Variants in WNK3 observed in about 807,000 individuals in gnomAD.
WNK3 encodes WNK lysine deficient protein kinase 3.
A neutral mutation model predicts 116.7 loss-of-function variants in WNK3; 18 were observed. The observed-to-expected ratio is 0.15, with a 90% confidence interval of 0.11 to 0.23. The LOEUF is 0.23. WNK3 is among the 10% of genes least tolerant of loss of function. WNK3 has a pLI of 1.00. For synonymous variants in WNK3, 404 were observed against 469.4 expected (o/e 0.86, Z 1.80); for missense variants, 993 against 1,323.8 (o/e 0.75, Z 3.88).
chrX:54,255,643 C>A, intron 12 of WNK3, 97 bp downstream of exon 12: 1 of 793,963 alleles, frequency 1.3e-6, no homozygotes, highest in South Asian at 4.1e-5. Flanking sequence ...TAGAGAGGGT[C>A]TCGCAATATT....
At chrX:54,333,017 T>C in intron 2 of WNK3, 120 bp downstream of exon 2, 1 of 500,496 alleles carries the variant, frequency 2.0e-6, no homozygotes. Flanking sequence ...ATTTCTAGGA[T>C]GTGGGGGACA....
intron 10 of WNK3, among the ~76,000 whole-genome samples, chrX:54,267,237 T>A (rs2068323524): frequency 1.8e-5 from 2 of 110,203 alleles, no homozygotes; most frequent in African/African-American, 6.6e-5. Flanking sequence ...AAAAAAGAAT[T>A]TTTTCTTTTT....
At chrX:54,215,011 G>C (rs2146757182) in intron 22 of WNK3, among the ~76,000 whole-genome samples, 1 of 107,074 alleles carries the variant, frequency 9.3e-6, no homozygotes, top group African/African-American at 3.4e-5. Context: ...CAGCTACCTG[G>C]GAGGCTGAGG....
exon 17 of WNK3, chrX:54,249,293 A>G: frequency 8.2e-7 from 1 of 1,212,268 alleles, no homozygotes. Context: ...CCAGGATGGG[A>G]CATAAGTGCA....
At chrX:54,311,057 G>A in intron 3 of WNK3, 62 bp downstream of exon 3, 2 of 866,297 alleles carry the variant, frequency 2.3e-6, no homozygotes, top group Non-Finnish European at 3.2e-6. Context: ...TATAAAAATT[G>A]TTATGACTCC....
chrX:54,302,443 C>T (rs1032823577), intron 5 of WNK3, among the ~76,000 whole-genome samples: 84 of 109,458 alleles, frequency 7.7e-4, no homozygotes, highest in African/African-American at 7.3e-4. Flanking sequence ...GGATTACAGG[C>T]GCACGCCACC....
chrX:54,214,944 C>T (rs1557144683), intron 22 of WNK3, among the ~76,000 whole-genome samples: 1 of 108,541 alleles, frequency 9.2e-6, no homozygotes, highest in East Asian at 2.9e-4. Flanking sequence ...ACCCAGGAGG[C>T]GGAGCTTGCA....
At position 54,202,200 on chromosome X, in the gene WNK3, G is replaced by C; in HGVS notation, c.4871-7C>G. On this transcript the variant is annotated splice_region_variant and splice_polypyrimidine_tract_variant and intron_variant, in intron 22 of 23. Transcript: ENST00000354646. ...CTCTCCACACACAGTGGATCTATAA[G>C]ACAAAAAAAACAACAACAGGGAAAC... The C allele has an allele frequency of 1.7e-6, 2 of 1,176,626 alleles. No homozygotes were observed. Among genetic ancestry groups the C allele is most frequent in the Non-Finnish European group, 2.3e-6 (2 of 876,872 alleles).
chrX:54,334,030 T>C (rs1402942957), intron 1 of WNK3, among the ~76,000 whole-genome samples: 2 of 111,031 alleles, frequency 1.8e-5, no homozygotes, highest in Non-Finnish European at 3.8e-5. Flanking sequence ...TGCATGAATA[T>C]TGGTTAGAAA....
chrX:54,232,113 G>GTATATA lies in WNK3; in HGVS notation c.4840+690_4840+695dup, dbSNP rs781829275. ...TGTGTATATGTGTGTGTGTGTGTGT[G>GTATATA]TATATATATATATATATATATATGT... is the stretch of plus-strand genomic sequence containing the variant. On this transcript the variant is annotated intron_variant, in intron 21 of 23. Transcript: ENST00000354646. Among the ~76,000 whole-genome samples the GTATATA allele has an allele frequency of 9.8e-3, 930 of 95,053 alleles. 12 individuals are homozygous for GTATATA. Among genetic ancestry groups the GTATATA allele is most frequent in the African/African-American group, 0.035 (863 of 24,815 alleles). The allele number at this position is 95,053 out of a possible 115,157, so 82.5% of individuals were successfully genotyped here. A position where few individuals can be genotyped will look rare whatever the true frequency, so the allele number is the denominator to read the frequency against.
intron 1 of WNK3, among the ~76,000 whole-genome samples, chrX:54,337,600 A>ATAAATAAATAAC (rs1569539256): frequency 1.9e-5 from 2 of 107,302 alleles, no homozygotes; most frequent in Non-Finnish European, 1.9e-5. Flanking sequence ...AAATAAATAA[A>ATAAATAAATAAC]ATATTTGAGG....
chrX:54,217,892 T>C lies in WNK3; in HGVS notation c.4870+10822A>G, dbSNP rs1479050675. Among the ~76,000 whole-genome samples the C allele has an allele frequency of 2.7e-5, 3 of 111,272 alleles. No homozygotes were observed. The East Asian group carries it at 8.4e-4, about 31-fold the overall frequency. Reference sequence around the variant, plus strand: ...CAACAACCCTTGAGGGGTAGAAGAATCCGATACTAGAAGTTCTTTAATATA... The same window carrying C: ...CAACAACCCTTGAGGGGTAGAAGAACCCGATACTAGAAGTTCTTTAATATA... On this transcript the variant is annotated intron_variant, in intron 22 of 23. Coordinates refer to ENST00000354646, the Ensembl canonical transcript of WNK3.
intron 1 of WNK3, among the ~76,000 whole-genome samples, chrX:54,354,424 A>C (rs1446360318): frequency 9.0e-6 from 1 of 111,685 alleles, no homozygotes; most frequent in Non-Finnish European, 1.9e-5. Context: ...TTATATTGAG[A>C]GACTGAGAAA....
intron 3 of WNK3, among the ~76,000 whole-genome samples, chrX:54,310,905 T>A (rs782224909): frequency 9.0e-6 from 1 of 111,003 alleles, no homozygotes; most frequent in East Asian, 2.8e-4. Context: ...ACTTTTTGTA[T>A]TTTTTTGGTA....
At chrX:54,350,395 A>G (rs1557178353) in intron 1 of WNK3, among the ~76,000 whole-genome samples, 2 of 108,355 alleles carry the variant, frequency 1.8e-5, no homozygotes, top group South Asian at 8.4e-4. Context: ...GGGTGACAGA[A>G]TGAGACTCTG....
intron 10 of WNK3, among the ~76,000 whole-genome samples, chrX:54,263,215 T>C (rs2068275617): frequency 9.0e-6 from 1 of 111,726 alleles, no homozygotes; most frequent in East Asian, 2.8e-4. Flanking sequence ...TCTTATTCAG[T>C]TATTATGGAG....
intron 22 of WNK3, among the ~76,000 whole-genome samples, chrX:54,210,535 G>A (rs2067602122): frequency 8.9e-6 from 1 of 111,733 alleles, no homozygotes; most frequent in Non-Finnish European, 1.9e-5. Flanking sequence ...GCTGAGGCAG[G>A]AGGATTGCTT....
intron 13 of WNK3, 61 bp from the exon 14 acceptor site, chrX:54,251,748 TA>T: frequency 3.8e-6 from 4 of 1,064,811 alleles, no homozygotes; most frequent in Non-Finnish European, 5.0e-6. Context: ...TATAATATTA[TA>T]TAAATAGTGA....
intron 1 of WNK3, among the ~76,000 whole-genome samples, chrX:54,345,288 ATG>A (rs1557177364): frequency 2.0e-5 from 2 of 97,769 alleles, no homozygotes; most frequent in African/African-American, 9.5e-5. Flanking sequence ...ATATATATGT[ATG>A]TATGTATGTA....
Sources: gnomAD v4.1 joint callset for allele counts (sites outside exome capture counted in the v4.1 genomes callset) on GRCh38, gnomAD v4.1.1 for gene constraint, MANE v1.5 for transcripts, NCBI Gene and HGNC (gene_info 2026-07-23, HGNC 2026-07-21) for gene names.